Variants in PAPSS2 observed in about 807,000 individuals in gnomAD.
The protein encoded by PAPSS2 is 3'-phosphoadenosine 5'-phosphosulfate synthase 2.
A neutral mutation model predicts 66.5 loss-of-function variants in PAPSS2; 61 were observed. That is an observed-to-expected ratio of 0.92 (90% CI 0.75 to 1.14). The LOEUF is 1.14. Among genes scored for constraint, PAPSS2 ranks in the 50% most tolerant of loss-of-function variants. The pLI is 0.00. For missense variants in PAPSS2, 708 were observed against 789.6 expected (o/e 0.90, Z 1.24); for synonymous variants, 289 against 287.5 (o/e 1.01, Z -0.05).
At chr10:87,694,669 C>T (rs574464561) in intron 1 of PAPSS2, among the ~76,000 whole-genome samples, 17 of 152,260 alleles carry the variant, frequency 1.1e-4, no homozygotes, top group Admixed American at 6.5e-4. Flanking sequence ...ACCGGCTTAG[C>T]GGAGGGCCTT....
intron 7 of PAPSS2, among the ~76,000 whole-genome samples, chr10:87,717,945 C>A (rs932243120): frequency 2.6e-5 from 4 of 152,204 alleles, no homozygotes; most frequent in Middle Eastern, 3.2e-3. Flanking sequence ...ATGATTTAGG[C>A]AAAATCTCTA....
intron 1 of PAPSS2, among the ~76,000 whole-genome samples, chr10:87,699,389 C>G (rs1468465089): frequency 6.6e-6 from 1 of 152,180 alleles, no homozygotes; most frequent in Non-Finnish European, 1.5e-5. Context: ...CTCGAGGGGT[C>G]CTTTTACCTC....
chr10:87,692,579 T>C (rs898471578), intron 1 of PAPSS2, among the ~76,000 whole-genome samples: 8 of 152,054 alleles, frequency 5.3e-5, no homozygotes, highest in African/African-American at 1.7e-4. Context: ...TGGGAAGAAA[T>C]GGAAGAGAGA....
intron 1 of PAPSS2, among the ~76,000 whole-genome samples, chr10:87,687,869 GA>G (rs201305248): frequency 0.012 from 1,849 of 152,246 alleles, 41 homozygotes; most frequent in African/African-American, 0.042. Context: ...TACAAAAAAT[GA>G]TGATTAAGTG....
intron 1 of PAPSS2, among the ~76,000 whole-genome samples, chr10:87,682,891 A>G (rs1853039787): frequency 6.6e-6 from 1 of 152,146 alleles, no homozygotes; most frequent in African/African-American, 2.4e-5. Context: ...TTTCTCCACC[A>G]GGAAAGGAGG....
At chr10:87,719,123 A>C (rs1853566481) in intron 7 of PAPSS2, among the ~76,000 whole-genome samples, 1 of 152,174 alleles carries the variant, frequency 6.6e-6, no homozygotes, top group African/African-American at 2.4e-5. Context: ...TGCCTGTGTA[A>C]ATTGATAATA....
chr10:87,681,447 C>T (rs1853020123), intron 1 of PAPSS2, among the ~76,000 whole-genome samples: 1 of 152,126 alleles, frequency 6.6e-6, no homozygotes, highest in Non-Finnish European at 1.5e-5. Flanking sequence ...TTTGGAACTA[C>T]TACAAGAATT....
rs550459675 is a variant in PAPSS2, at chr10:87,683,887, G to T, written c.27+23879G>T. Among the ~76,000 whole-genome samples, 4 of 152,018 alleles carry T rather than the reference G, an allele frequency of 2.6e-5. No individual in the cohort carries two copies. In the South Asian group the frequency reaches 8.3e-4, roughly 32 times the overall value. On this transcript the variant is annotated intron_variant, in intron 1 of 12. Transcript: ENST00000456849. ...TTTTAAAATTTTTGTGGAGATGGGG[G>T]TTTCGCTATGTTGCCCAAGCTGGTC...
At chr10:87,660,286 T>C (rs899056997) in intron 1 of PAPSS2, 2 of 588,602 alleles carry the variant, frequency 3.4e-6, no homozygotes, top group Non-Finnish European at 3.0e-6. Context: ...CTCAAGTGGG[T>C]CCGGATCTAG....
intron 1 of PAPSS2, among the ~76,000 whole-genome samples, chr10:87,699,092 A>G (rs1853270246): frequency 6.6e-6 from 1 of 152,234 alleles, no homozygotes; most frequent in African/African-American, 2.4e-5. Context: ...GCCATTTGTC[A>G]TATCAATTTC....
chr10:87,670,212 G>A (rs114592928), intron 1 of PAPSS2, among the ~76,000 whole-genome samples: 1,968 of 152,318 alleles, frequency 0.013, 55 homozygotes, highest in African/African-American at 0.044. Context: ...TTCAGCAAAC[G>A]TGAACAGAAT....
chr10:87,667,840 T>C (rs1852832548), intron 1 of PAPSS2, among the ~76,000 whole-genome samples: 1 of 152,276 alleles, frequency 6.6e-6, no homozygotes, highest in Non-Finnish European at 1.5e-5. Flanking sequence ...TTCATAGTGA[T>C]AATTTCTCTG....
chr10:87,685,341 T>C (rs1248637507), intron 1 of PAPSS2, among the ~76,000 whole-genome samples: 1 of 152,118 alleles, frequency 6.6e-6, no homozygotes, highest in African/African-American at 2.4e-5. Context: ...CTGTATGGAG[T>C]CTTCTCTTTA....
intron 2 of PAPSS2, 139 bp downstream of exon 2, chr10:87,709,452 G>A: frequency 3.4e-6 from 2 of 583,904 alleles, no homozygotes; most frequent in South Asian, 3.7e-5. Context: ...GAAAGCCTGG[G>A]TGTTAGTCCT....
intron 1 of PAPSS2, among the ~76,000 whole-genome samples, chr10:87,681,966 A>G (rs750424683): frequency 5.9e-5 from 9 of 152,196 alleles, no homozygotes; most frequent in Non-Finnish European, 5.9e-5. Flanking sequence ...TGGGTTGCTT[A>G]CAGTTTGGGG....
chr10:87,715,264 T>A (rs1853518924), intron 6 of PAPSS2, among the ~76,000 whole-genome samples, 166 bp downstream of exon 6: 1 of 152,234 alleles, frequency 6.6e-6, no homozygotes, highest in South Asian at 2.1e-4. Flanking sequence ...TCCAAAGAAA[T>A]CTCTCACCAA....
chr10:87,680,999 A>G (rs1246253364), intron 1 of PAPSS2, among the ~76,000 whole-genome samples: 1 of 152,190 alleles, frequency 6.6e-6, no homozygotes, highest in African/African-American at 2.4e-5. Context: ...GTGTTTCTCA[A>G]CTGGGGGTGA....
chr10:87,661,960 A>C (rs995483084), intron 1 of PAPSS2, among the ~76,000 whole-genome samples: 1 of 152,226 alleles, frequency 6.6e-6, no homozygotes, highest in Non-Finnish European at 1.5e-5. Flanking sequence ...CTGTAAATGC[A>C]TGTGGAATCT....
intron 1 of PAPSS2, among the ~76,000 whole-genome samples, chr10:87,686,230 A>G (rs1298658867): frequency 1.3e-5 from 2 of 151,760 alleles, no homozygotes; most frequent in South Asian, 2.1e-4. Context: ...GCATTTTACA[A>G]AAGTTAAGTG....
Sources: gnomAD v4.1 joint callset for allele counts (sites outside exome capture counted in the v4.1 genomes callset) on GRCh38, gnomAD v4.1.1 for gene constraint, MANE v1.5 for transcripts, NCBI Gene and HGNC (gene_info 2026-07-23, HGNC 2026-07-21) for gene names.